The following C20orf203 variants were observed in gnomAD, a reference collection of about 807,000 sequenced individuals.
C20orf203 encodes the protein uncharacterized protein C20orf203.
Under a neutral mutation model 15.9 loss-of-function variants are expected in C20orf203, and 16 were observed. The observed-to-expected ratio is 1.01, with a 90% confidence interval of 0.68 to 1.53. C20orf203 has a LOEUF of 1.53. Ranked by LOEUF, C20orf203 falls within the 40% of genes most tolerant of loss-of-function variation. The pLI is 0.00. For missense variants in C20orf203, 263 were observed against 247.5 expected (o/e 1.06, Z -0.42); for synonymous variants, 98 against 97.2 (o/e 1.01, Z -0.05).
intron 1 of C20orf203, among the ~76,000 whole-genome samples, chr20:32,666,824 T>TATATATATATATATATAG (rs1555818278): frequency 9.4e-6 from 1 of 106,576 alleles, no homozygotes. Flanking sequence ...TATATATATA[T>TATATATATATATATATAG]AGTTTTGTTT....
rs1371866663 is a variant in C20orf203, at chr20:32,631,889, A to G, written c.*3681T>C. The G allele has an allele frequency of 6.6e-6, 1 of 152,270 alleles. No homozygotes were observed. The highest frequency in any genetic ancestry group is 1.5e-5 in the Non-Finnish European group (1 of 68,086). The allele number at this position is 152,270 out of a possible 1,614,324, so 9.4% of individuals were successfully genotyped here. On this transcript the variant is annotated 3_prime_UTR_variant, in exon 6 of 6. Coordinates refer to ENST00000608990, the MANE Select transcript of C20orf203 (RefSeq NM_182584.4). Reference sequence around the variant, plus strand: ...TGTGGCTCCCTCTCCCCAAGGCCAGAGCCAGAGAGAGCTGGTTTCCACAGC... The same window carrying G: ...TGTGGCTCCCTCTCCCCAAGGCCAGGGCCAGAGAGAGCTGGTTTCCACAGC...
In C20orf203 at chr20:32,650,884, G is replaced by A; in HGVS notation, c.136-3C>T. On this transcript the variant is annotated splice_polypyrimidine_tract_variant and splice_region_variant and intron_variant, in intron 3 of 5. Coordinates refer to ENST00000608990, the MANE Select transcript of C20orf203 (RefSeq NM_182584.4). ...AGTCCAGCCAAGACTGATGTGGCCT[G>A]TTGGGAACAAGGCCCCCAAGAAGAT... The A allele has an allele frequency of 6.9e-7, 1 of 1,448,574 alleles. No homozygotes were observed. The highest frequency in any genetic ancestry group is 9.1e-7 in the Non-Finnish European group (1 of 1,098,206). 89.7% of individuals were successfully genotyped at this position (1,448,574 alleles called of 1,614,324 possible).
rs183858276 is a variant in C20orf203, at chr20:32,632,596, T to A, written c.*2974A>T. On this transcript the variant is annotated 3_prime_UTR_variant, in exon 6 of 6. Coordinates refer to ENST00000608990, the MANE Select transcript of C20orf203 (RefSeq NM_182584.4). ...GCCTTTTTCACAAAAAAAACATGTA[T>A]CTCAGAGCTTCTTCCACAGCAGTAC... The A allele has an allele frequency of 3.3e-5, 5 of 152,138 alleles. No individual in the cohort carries two copies. In the East Asian group the frequency reaches 9.6e-4, roughly 29 times the overall value. 9.4% of individuals were successfully genotyped at this position (152,138 alleles called of 1,614,324 possible). A position where few individuals can be genotyped will look rare whatever the true frequency, so the allele number is the denominator to read the frequency against.
At chr20:32,663,285 A>G (rs956454794) in intron 1 of C20orf203, among the ~76,000 whole-genome samples, 2 of 151,994 alleles carry the variant, frequency 1.3e-5, no homozygotes, top group African/African-American at 2.4e-5. Flanking sequence ...AAAACTACTG[A>G]ATTCCCTTGG....
chr20:32,652,519 T>G (rs1982661064), intron 1 of C20orf203, among the ~76,000 whole-genome samples: 1 of 151,676 alleles, frequency 6.6e-6, no homozygotes, highest in East Asian at 1.9e-4. Flanking sequence ...ATGGGGGTGC[T>G]GATGGAGCCT....
intron 1 of C20orf203, among the ~76,000 whole-genome samples, chr20:32,666,834 T>C (rs1983047308): frequency 9.0e-6 from 1 of 111,456 alleles, no homozygotes; most frequent in South Asian, 2.8e-4. Context: ...TAGTTTTGTT[T>C]TGTTTTTTAG....
intron 4 of C20orf203, 137 bp from the exon 5 acceptor site, chr20:32,640,824 G>A (rs533923087): frequency 3.2e-4 from 48 of 152,238 alleles, no homozygotes; most frequent in African/African-American, 1.1e-3. Flanking sequence ...TCCAGACCTA[G>A]GCAACCATAT....
Position 32,650,740 on chromosome 20 carries a change from A to G in C20orf203, c.277T>C (p.Tyr93His), listed in dbSNP as rs1982593287. The G allele has an allele frequency of 6.5e-7, 1 of 1,540,434 alleles. No individual in the cohort carries two copies. The highest frequency in any genetic ancestry group is 2.5e-5 in the East Asian group (1 of 40,750). ...CCACCAACCCAAATCCTTTCCTGATAAGGGCCTGGGTGTTGCGGAGGAGGA... is the reference window on the plus strand; with the variant it reads ...CCACCAACCCAAATCCTTTCCTGATGAGGGCCTGGGTGTTGCGGAGGAGGA... ...QPPPPQHPGPYQERIWVGGEG... is the reference protein window; with the variant it reads ...QPPPPQHPGPHQERIWVGGEG... The change falls in exon 4 of 6, where the codon TAT becomes CAT. Residue 93 changes from tyrosine (Y) to histidine (H), a missense_variant. Coordinates refer to ENST00000608990, the MANE Select transcript of C20orf203 (RefSeq NM_182584.4).
At chr20:32,668,355 G>A (rs1167592167) in intron 1 of C20orf203, among the ~76,000 whole-genome samples, 1 of 152,180 alleles carries the variant, frequency 6.6e-6, no homozygotes, top group African/African-American at 2.4e-5. Flanking sequence ...GTGGGGCACG[G>A]TGGCTCACAT....
At chr20:32,655,239 C>A (rs1982726405) in intron 1 of C20orf203, among the ~76,000 whole-genome samples, 1 of 152,110 alleles carries the variant, frequency 6.6e-6, no homozygotes. Context: ...ACCAAAAGCA[C>A]AAGCAACCAA....
In C20orf203 at chr20:32,650,462, G is replaced by A; in HGVS notation, c.555C>T (p.Leu185=). 6.4e-7 allele frequency: 1 copy of A among 1,550,532 alleles called. No homozygotes were observed. Among genetic ancestry groups the A allele is most frequent in the East Asian group, 2.4e-5 (1 of 40,914 alleles). Residue 185 remains leucine, a synonymous_variant, in exon 4 of 6, where the codon CTC becomes CTT. Coordinates refer to ENST00000608990, the MANE Select transcript of C20orf203 (RefSeq NM_182584.4). ...PAPLISKQQF[L]SNSSRSLFN ...TAAACAGCGACCGTGATGAATTGGAGAGAAACTGCTGCTTGCTAATTAAAG... is the reference window on the plus strand; with the variant it reads ...TAAACAGCGACCGTGATGAATTGGAAAGAAACTGCTGCTTGCTAATTAAAG...
chr20:32,637,622 C>A (rs1982172871), intron 5 of C20orf203, among the ~76,000 whole-genome samples: 1 of 152,122 alleles, frequency 6.6e-6, no homozygotes, highest in Non-Finnish European at 1.5e-5. Flanking sequence ...GTCATTTGTT[C>A]ACTTTCACTA....
At chr20:32,665,929 CCTT>C (rs1181334809) in intron 1 of C20orf203, among the ~76,000 whole-genome samples, 1 of 151,892 alleles carries the variant, frequency 6.6e-6, no homozygotes, top group Non-Finnish European at 1.5e-5. Context: ...GAGTGAGACT[CCTT>C]CTCAAAACAA....
At position 32,651,074 on chromosome 20, in the gene C20orf203, G is replaced by C; in HGVS notation, c.79C>G (p.Gln27Glu). 6.5e-7 allele frequency: 1 copy of C among 1,527,422 alleles called. No homozygotes were observed. Among genetic ancestry groups the C allele is most frequent in the Non-Finnish European group, 8.8e-7 (1 of 1,133,410 alleles). 94.6% of individuals were successfully genotyped at this position (1,527,422 alleles called of 1,614,324 possible). A position where few individuals can be genotyped will look rare whatever the true frequency, so the allele number is the denominator to read the frequency against. ...PQPPNMLDHRQWPPRLASFPF... is the reference protein window; with the variant it reads ...PQPPNMLDHREWPPRLASFPF... Reference sequence around the variant, plus strand: ...AAACTGGCCAGGCGAGGTGGCCACTGCCTGTGATCCAGCATGTTGGGAGGC... The same window carrying C: ...AAACTGGCCAGGCGAGGTGGCCACTCCCTGTGATCCAGCATGTTGGGAGGC... Residue 27 changes from glutamine (Q) to glutamate (E), a missense_variant, in exon 3 of 6, where the codon CAG becomes GAG. Transcript: ENST00000608990.
At chr20:32,664,173 C>G (rs1982964878) in intron 1 of C20orf203, among the ~76,000 whole-genome samples, 1 of 152,182 alleles carries the variant, frequency 6.6e-6, no homozygotes, top group South Asian at 2.1e-4. Context: ...TGGGTTTCTT[C>G]TAACCTGGGA....
chr20:32,650,629 C>T lies in C20orf203; in HGVS notation c.388G>A (p.Ala130Thr), dbSNP rs771596535. The T allele has an allele frequency of 1.8e-5, 28 of 1,546,170 alleles. No homozygotes were observed. The highest frequency in any genetic ancestry group is 5.9e-5 in the Admixed American group (3 of 50,966). Residue 130 changes from alanine to threonine, a missense_variant, in exon 4 of 6, where the codon GCT becomes ACT. Coordinates refer to ENST00000608990, the MANE Select transcript of C20orf203 (RefSeq NM_182584.4). ...CCTCCCATTGCCCTCCCCCGCCCAG[C>T]AGGGGCCCGCAGCCCCCTCCCCACT... is the stretch of plus-strand genomic sequence containing the variant. ...REVGRGLRAP[A>T]GRGRAMGGMP...
In C20orf203 at chr20:32,632,736, G is replaced by A. The variant is rs1265826618; in HGVS notation, c.*2834C>T. The A allele has an allele frequency of 6.6e-6, 1 of 152,126 alleles. No individual in the cohort carries two copies. 9.4% of individuals were successfully genotyped at this position (152,126 alleles called of 1,614,324 possible). On this transcript the variant is annotated 3_prime_UTR_variant, in exon 6 of 6. Coordinates refer to ENST00000608990, the MANE Select transcript of C20orf203 (RefSeq NM_182584.4). ...CCATGGTTTTCTGCCTTTTCCATAG[G>A]CTTATTTCTGTTCTGCACAACAGCC...
intron 1 of C20orf203, among the ~76,000 whole-genome samples, chr20:32,670,968 A>G (rs1217154459): frequency 6.6e-6 from 1 of 152,008 alleles, no homozygotes; most frequent in Non-Finnish European, 1.5e-5. Flanking sequence ...GCAAATCAAA[A>G]CCACAATGAG....
At chr20:32,657,118 G>A (rs936267049) in intron 1 of C20orf203, 1 of 154,050 alleles carries the variant, frequency 6.5e-6, no homozygotes, top group African/African-American at 2.4e-5. Context: ...GGAGGCTGAG[G>A]TGGGAGAATC....
Sources: gnomAD v4.1 joint callset for allele counts (sites outside exome capture counted in the v4.1 genomes callset) on GRCh38, gnomAD v4.1.1 for gene constraint, MANE v1.5 for transcripts, NCBI Gene and HGNC (gene_info 2026-07-23, HGNC 2026-07-21) for gene names.